TRHDE: variants seen among roughly 807,000 people sequenced by gnomAD.
The protein encoded by TRHDE is thyrotropin-releasing hormone-degrading ectoenzyme.
Under a neutral mutation model 125.7 loss-of-function variants are expected in TRHDE, and 72 were observed. The observed-to-expected ratio is 0.57, with a 90% CI of 0.47 to 0.70. The LOEUF is 0.70. Among genes scored for constraint, TRHDE ranks in the 30% least tolerant of loss-of-function variants. The pLI, the probability that TRHDE is intolerant of heterozygous loss-of-function variation, is 0.00. For missense variants in TRHDE, 1,110 were observed against 1,327.1 expected, an observed-to-expected ratio of 0.84 and a Z score of 2.54; for synonymous variants, 509 against 509.1, an observed-to-expected ratio of 1.00 and a Z score of 0.00.
In TRHDE at chr12:72,142,526, G is replaced by A. The variant is rs537316463; in HGVS notation, n.279+36774G>A. ...TAATAGTGATATGAACAGGAGACAG[G>A]GAAATACCGGGTAGAAGAGGGTGGC... On this transcript the variant is annotated intron_variant and non_coding_transcript_variant, in intron 2 of 4. Transcript: ENST00000548156. 6.6e-5 allele frequency among the ~76,000 whole-genome samples: 10 copies of A among 152,232 alleles called. No homozygotes were observed. In the South Asian group the frequency reaches 2.1e-3, roughly 32 times the overall value.
intron 3 of TRHDE, among the ~76,000 whole-genome samples, chr12:72,466,473 G>C (rs556289092): frequency 6.6e-6 from 1 of 152,280 alleles, no homozygotes; most frequent in East Asian, 1.9e-4. Context: ...TGCTACTGTT[G>C]TTGCCATCTA....
At chr12:72,225,652 T>C (rs1009972153) in intron 2 of TRHDE, among the ~76,000 whole-genome samples, 1 of 152,216 alleles carries the variant, frequency 6.6e-6, no homozygotes, top group Non-Finnish European at 1.5e-5. Context: ...ACTGTATTGT[T>C]TCTTTCCTTC....
intron 3 of TRHDE, among the ~76,000 whole-genome samples, chr12:72,458,241 T>A (rs974062723): frequency 6.6e-6 from 1 of 152,184 alleles, no homozygotes; most frequent in Non-Finnish European, 1.5e-5. Context: ...AACCGTTAAT[T>A]AAAATTCAAC....
At chr12:72,562,037 TTTATC>T (rs1870201860) in intron 7 of TRHDE, 123 bp from the exon 8 acceptor site, 1 of 508,354 alleles carries the variant, frequency 2.0e-6, no homozygotes. Context: ...AATGAGATTA[TTTATC>T]TTTTTTATGT....
At chr12:72,146,442 A>G (rs1876228574) in intron 2 of TRHDE, among the ~76,000 whole-genome samples, 1 of 152,238 alleles carries the variant, frequency 6.6e-6, no homozygotes, top group Non-Finnish European at 1.5e-5. Context: ...AGGCATAACA[A>G]AATAGCATGG....
intron 3 of TRHDE, among the ~76,000 whole-genome samples, chr12:72,408,861 G>C (rs1255602535): frequency 6.6e-6 from 1 of 152,012 alleles, no homozygotes; most frequent in Non-Finnish European, 1.5e-5. Flanking sequence ...ATATAAAAGA[G>C]ACAATAAAAA....
chr12:72,476,917 T>G (rs2135907366), intron 5 of TRHDE, among the ~76,000 whole-genome samples: 1 of 152,276 alleles, frequency 6.6e-6, no homozygotes, highest in Non-Finnish European at 1.5e-5. Flanking sequence ...ATGATAAAAT[T>G]ATCACAATAA....
At chr12:72,232,778 T>C (rs569296703) in intron 2 of TRHDE, among the ~76,000 whole-genome samples, 5 of 152,240 alleles carry the variant, frequency 3.3e-5, no homozygotes, top group South Asian at 4.1e-4. Context: ...TGTCTTTTTC[T>C]AAATAACACC....
intron 3 of TRHDE, among the ~76,000 whole-genome samples, chr12:72,452,466 C>T (rs962781663): frequency 1.3e-5 from 2 of 152,038 alleles, no homozygotes; most frequent in Non-Finnish European, 2.9e-5. Context: ...CTAGGGCTTC[C>T]AGGACTATGT....
At chr12:72,163,771 G>T (rs1038707496) in intron 2 of TRHDE, among the ~76,000 whole-genome samples, 3 of 152,184 alleles carry the variant, frequency 2.0e-5, no homozygotes, top group Admixed American at 6.5e-5. Flanking sequence ...CTTAGAATGG[G>T]TTTAACATGT....
At chr12:72,649,598 G>T (rs1874422776) in intron 15 of TRHDE, among the ~76,000 whole-genome samples, 1 of 152,068 alleles carries the variant, frequency 6.6e-6, no homozygotes, top group Middle Eastern at 3.4e-3. Context: ...AAAGTAAAAA[G>T]GCAACCCACA....
intron 3 of TRHDE, among the ~76,000 whole-genome samples, chr12:72,439,592 T>C (rs572846293): frequency 1.3e-5 from 2 of 152,034 alleles, no homozygotes; most frequent in South Asian, 4.1e-4. Context: ...TATTTTTTTG[T>C]TTATGTATAT....
At chr12:72,619,363 A>T (rs1462531170) in intron 13 of TRHDE, among the ~76,000 whole-genome samples, 1 of 152,214 alleles carries the variant, frequency 6.6e-6, no homozygotes, top group Non-Finnish European at 1.5e-5. Flanking sequence ...ACCTGGGTAG[A>T]AAGATCCCAA....
chr12:72,539,337 A>G (rs1260734619), intron 6 of TRHDE, among the ~76,000 whole-genome samples: 1 of 151,936 alleles, frequency 6.6e-6, no homozygotes, highest in Non-Finnish European at 1.5e-5. Flanking sequence ...CTAAAGAAAG[A>G]AATTAGTTGA....
chr12:72,447,813 CT>C (rs1875373422), intron 3 of TRHDE, among the ~76,000 whole-genome samples: 1 of 152,030 alleles, frequency 6.6e-6, no homozygotes, highest in Non-Finnish European at 1.5e-5. Flanking sequence ...ATCAGTATTT[CT>C]AAAAGGTTCT....
intron 2 of TRHDE, among the ~76,000 whole-genome samples, chr12:72,298,623 A>T (rs918496775): frequency 6.6e-6 from 1 of 152,166 alleles, no homozygotes; most frequent in African/African-American, 2.4e-5. Context: ...TTGGAGGTTT[A>T]TGTAGCAGCC....
Position 72,273,378 on chromosome 12 carries a change from C to G in TRHDE, c.735C>G (p.Phe245Leu). ...EKVQLAEDRA[F>L]GAVPVAGFFL... is the part of the protein sequence containing the mutation. ...TGCAGCTGGCCGAGGACCGGGCGTT[C>G]GGGGCTGTCCCTGTAGCCGGTTTTT... Residue 245 changes from phenylalanine (F) to leucine (L), a missense_variant, in exon 1 of 19, where the codon TTC becomes TTG. Phe to Leu is a conservative substitution (Grantham distance 22). Around this residue, in one of 5 missense-constraint regions of TRHDE, gnomAD observed 72 missense variants for 122.2 expected, o/e 0.59. Transcript: ENST00000261180. The surrounding 1 kb of genome is among the most constrained non-coding windows in gnomAD (Gnocchi z 5.3). 1 of 1,614,136 alleles carries G rather than the reference C, an allele frequency of 6.2e-7. No homozygotes were observed.
chr12:72,363,959 C>T (rs1176912910), intron 2 of TRHDE, among the ~76,000 whole-genome samples: 2 of 152,016 alleles, frequency 1.3e-5, no homozygotes, highest in African/African-American at 4.8e-5. Flanking sequence ...AAATCACAAG[C>T]ATTGTTATAC....
At chr12:72,406,640 G>A (rs1873277417) in intron 3 of TRHDE, among the ~76,000 whole-genome samples, 2 of 152,026 alleles carry the variant, frequency 1.3e-5, no homozygotes, top group African/African-American at 4.8e-5. Context: ...TTCTTCATGA[G>A]ATACATATTT....
Sources: allele counts gnomAD v4.1 joint callset (sites outside exome capture counted in the v4.1 genomes callset), GRCh38; gene constraint gnomAD v4.1.1; regional missense constraint gnomAD v4.1.1; non-coding constraint Gnocchi (gnomAD v3.1); transcripts MANE v1.5; gene names NCBI Gene and HGNC (gene_info 2026-07-23, HGNC 2026-07-21).